The following LLGL2 variants were observed in gnomAD, a reference collection of about 807,000 sequenced individuals.
LLGL2 encodes LLGL scribble cell polarity complex component 2.
Under a neutral mutation model 123.2 loss-of-function variants are expected in LLGL2, and 81 were observed. That is an observed-to-expected ratio of 0.66 (90% CI 0.55 to 0.79). LLGL2 has a LOEUF of 0.79. Among genes scored for constraint, LLGL2 ranks in the 30% least tolerant of loss-of-function variants. The pLI, the probability that LLGL2 is intolerant of heterozygous loss-of-function variation, is 0.00. For missense variants in LLGL2, 1,273 were observed against 1,414.6 expected (o/e 0.90, Z 1.61); for synonymous variants, 577 against 594.1 (o/e 0.97, Z 0.42).
Position 75,575,160 on chromosome 17 carries a change from T to G in LLGL2, c.*282T>G. Reference sequence around the variant, plus strand: ...GGGCTGGGTTTTAAGTTATAAATGTTAACTGCCTCTGGGTGAAAAAGTTTT... The same window carrying G: ...GGGCTGGGTTTTAAGTTATAAATGTGAACTGCCTCTGGGTGAAAAAGTTTT... On this transcript the variant is annotated 3_prime_UTR_variant, in exon 26 of 26. Coordinates refer to ENST00000392550, the MANE Select transcript of LLGL2 (RefSeq NM_001031803.2). 1 of 567,910 alleles carries G rather than the reference T, an allele frequency of 1.8e-6. No individual in the cohort carries two copies. The allele number at this position is 567,910 out of a possible 1,614,324, so 35.2% of individuals were successfully genotyped here. A position where few individuals can be genotyped will look rare whatever the true frequency, so the allele number is the denominator to read the frequency against.
chr17:75,557,370 C>T (rs1257539918), intron 3 of LLGL2, among the ~76,000 whole-genome samples: 1 of 152,216 alleles, frequency 6.6e-6, no homozygotes. Context: ...GACAGTCCTT[C>T]CCCGGCCTGA....
Position 75,574,879 on chromosome 17 carries a change from G to T in LLGL2, c.*1G>T, listed in dbSNP as rs569728853. ...CCCTCTGTGTCCTTCAGCAGAGTGAGTGGCTGAGCGTCCAGGCTGCGCGAT... is the reference window on the plus strand; with the variant it reads ...CCCTCTGTGTCCTTCAGCAGAGTGATTGGCTGAGCGTCCAGGCTGCGCGAT... On this transcript the variant is annotated 3_prime_UTR_variant, in exon 26 of 26. Coordinates refer to ENST00000392550, the MANE Select transcript of LLGL2 (RefSeq NM_001031803.2). The T allele has an allele frequency of 3.7e-6, 6 of 1,614,054 alleles. No homozygotes were observed. In the East Asian group the frequency reaches 1.3e-4, roughly 36 times the overall value.
Position 75,573,083 on chromosome 17 carries a change from C to G in LLGL2, c.2530C>G (p.Arg844Gly). Residue 844 changes from arginine (R) to glycine (G), a missense_variant, in exon 20 of 26, where the codon CGG becomes GGG. By Grantham distance (125) the Arg-to-Gly change is moderately radical. Transcript: ENST00000392550. ...GACGGCCCTGGAGGGCTCAAGAGTG[C>G]GGCGGGTCAGCGTGGCCCACTTCGG... ...KLTALEGSRV[R>G]RVSVAHFGSR... 1 of 1,612,730 alleles carries G rather than the reference C, an allele frequency of 6.2e-7. No homozygotes were observed. Among genetic ancestry groups the G allele is most frequent in the Non-Finnish European group, 8.5e-7 (1 of 1,179,844 alleles).
chr17:75,562,468 A>G (rs1224498466), intron 6 of LLGL2: 1 of 155,402 alleles, frequency 6.4e-6, no homozygotes, highest in Non-Finnish European at 1.4e-5. Flanking sequence ...GCCTTGCCTT[A>G]TAATTGTACC....
chr17:75,569,245 G>T lies in LLGL2; in HGVS notation c.1501G>T (p.Asp501Tyr), dbSNP rs148054484. The part of the protein sequence containing the change: ...RKVGSFDPYS[D>Y]DPRLGIQKIF... ...GGTGGGCTCCTTTGACCCCTACAGTGATGACCCCCGGCTGGGCATCCAGAA... is the reference window on the plus strand; with the variant it reads ...GGTGGGCTCCTTTGACCCCTACAGTTATGACCCCCGGCTGGGCATCCAGAA... Residue 501 changes from aspartate to tyrosine, a missense_variant, in exon 14 of 26, where the codon GAT becomes TAT. By Grantham distance (160) the Asp-to-Tyr change is radical. Transcript: ENST00000392550. 1.2e-6 allele frequency: 2 copies of T among 1,613,546 alleles called. No individual in the cohort carries two copies. The highest frequency in any genetic ancestry group is 1.7e-6 in the Non-Finnish European group (2 of 1,179,996).
In LLGL2 at chr17:75,574,861, T is replaced by C; in HGVS notation, c.3056-10T>C. 1.2e-6 allele frequency: 2 copies of C among 1,614,032 alleles called. No individual in the cohort carries two copies. Among genetic ancestry groups the C allele is most frequent in the Non-Finnish European group, 1.7e-6 (2 of 1,179,936 alleles). The stretch of plus-strand genomic sequence containing the variant: ...AGGGTGATCTTGAGCTGTCCCTCTG[T>C]GTCCTTCAGCAGAGTGAGTGGCTGA... On this transcript the variant is annotated splice_polypyrimidine_tract_variant and intron_variant, in intron 25 of 25. Transcript: ENST00000392550.
chr17:75,573,006 GC>G lies in LLGL2; in HGVS notation c.2461-3del. 1 of 1,595,966 alleles carries G rather than the reference GC, an allele frequency of 6.3e-7. No homozygotes were observed. Among genetic ancestry groups the G allele is most frequent in the Non-Finnish European group, 8.6e-7 (1 of 1,167,920 alleles). On this transcript the variant is annotated splice_region_variant and splice_polypyrimidine_tract_variant and intron_variant, in intron 19 of 25. Coordinates refer to ENST00000392550, the MANE Select transcript of LLGL2 (RefSeq NM_001031803.2). Reference sequence around the variant, plus strand: ...CCATGGGCATGAACAACCACCCCACGCCCCCAGGTGTTCACGCTGCCCAAGG... The same window carrying G: ...CCATGGGCATGAACAACCACCCCACGCCCCAGGTGTTCACGCTGCCCAAGG...
In LLGL2 at chr17:75,574,519, G is replaced by T. The variant is rs375484130; in HGVS notation, c.2996+24G>T. Reference sequence around the variant, plus strand: ...GGGTGAGGCACCGCCCAGGCCAGCTGGGGTGGGCCCGAGGCTCTGCCAGAG... The same window carrying T: ...GGGTGAGGCACCGCCCAGGCCAGCTTGGGTGGGCCCGAGGCTCTGCCAGAG... On this transcript the variant is annotated intron_variant, in intron 24 of 25. Transcript: ENST00000392550. The T allele has an allele frequency of 8.4e-5, 132 of 1,571,976 alleles. No individual in the cohort carries two copies. The African/African-American group carries it at 1.6e-3, about 19-fold the overall frequency.
chr17:75,525,017 G>GT (rs1427440867), upstream of LLGL2: 1 of 157,868 alleles, frequency 6.3e-6, no homozygotes, highest in African/African-American at 2.4e-5. The surrounding 1 kb of genome is among the most constrained non-coding windows in gnomAD (Gnocchi z 4.8). Context: ...GCGGGGTGCG[G>GT]GTGGCGAGAG....
Position 75,570,979 on chromosome 17 carries a change from G to A in LLGL2, c.2055G>A (p.Arg685=), listed in dbSNP as rs1026911719. The A allele has an allele frequency of 8.1e-6, 13 of 1,612,282 alleles. No individual in the cohort carries two copies. Among genetic ancestry groups the A allele is most frequent in the Non-Finnish European group, 1.1e-5 (13 of 1,179,552 alleles). Reference sequence around the variant, plus strand: ...AGGAGGGGAGTGCCAAGGCTGAGCGGCCAGGCCTCCAGAACATGGAGCTGG... The same window carrying A: ...AGGAGGGGAGTGCCAAGGCTGAGCGACCAGGCCTCCAGAACATGGAGCTGG... The part of the protein sequence containing the change: ...EAQEGSAKAE[R]PGLQNMELAP... Residue 685 remains arginine, a synonymous_variant, in exon 17 of 26, where the codon CGG becomes CGA. Coordinates refer to ENST00000392550, the MANE Select transcript of LLGL2 (RefSeq NM_001031803.2).
chr17:75,554,302 C>CAAA (rs72439797), intron 2 of LLGL2, among the ~76,000 whole-genome samples: 30 of 133,964 alleles, frequency 2.2e-4, no homozygotes, highest in African/African-American at 8.0e-4. Context: ...AACTCCGTCT[C>CAAA]AAAAAAAAAA....
At chr17:75,569,619 A>C (rs1039614688) in intron 14 of LLGL2, among the ~76,000 whole-genome samples, 2 of 152,130 alleles carry the variant, frequency 1.3e-5, no homozygotes, top group Non-Finnish European at 2.9e-5. Context: ...CCTGGCCAAC[A>C]TGGTGAAACC....
At position 75,571,978 on chromosome 17, in the gene LLGL2, C is replaced by A; in HGVS notation, c.2374C>A (p.Pro792Thr). 4 of 1,612,908 alleles carry A rather than the reference C, an allele frequency of 2.5e-6. No individual in the cohort carries two copies. Among genetic ancestry groups the A allele is most frequent in the Non-Finnish European group, 2.5e-6 (3 of 1,180,012 alleles). Residue 792 changes from proline to threonine, a missense_variant, in exon 19 of 26, where the codon CCC becomes ACC. Coordinates refer to ENST00000392550, the MANE Select transcript of LLGL2 (RefSeq NM_001031803.2). ...LDGHSVPLPE[P>T]LEVAHDLSKS... ...CGGACACAGCGTACCCCTTCCCGAG[C>A]CCCTCGAAGTGGCCCATGATCTGTC...
At chr17:75,543,123 T>G in intron 1 of LLGL2, 1 of 252,136 alleles carries the variant, frequency 4.0e-6, no homozygotes. Context: ...TCCTTGTGCT[T>G]ATAAAGCCAG....
Position 75,574,210 on chromosome 17 carries a change from C to T in LLGL2, c.2906-3C>T. On this transcript the variant is annotated splice_region_variant and splice_polypyrimidine_tract_variant and intron_variant, in intron 22 of 25. Coordinates refer to ENST00000392550, the MANE Select transcript of LLGL2 (RefSeq NM_001031803.2). The stretch of plus-strand genomic sequence containing the variant: ...GCGCCCTGACCCGGCCTCTACCTTC[C>T]AGAGAAGCAGCCCGGCCTGGTGATG... 1.3e-6 allele frequency: 2 copies of T among 1,532,454 alleles called. No homozygotes were observed. The highest frequency in any genetic ancestry group is 1.8e-6 in the Non-Finnish European group (2 of 1,139,208). 94.9% of individuals were successfully genotyped at this position (1,532,454 alleles called of 1,614,324 possible).
At chr17:75,529,953 T>C (rs1384671474) in intron 1 of LLGL2, among the ~76,000 whole-genome samples, 1 of 152,244 alleles carries the variant, frequency 6.6e-6, no homozygotes, top group East Asian at 1.9e-4. Flanking sequence ...GAGTCCTTGC[T>C]GTGTGACCCT....
chr17:75,565,889 G>A (rs1027197211), intron 10 of LLGL2, among the ~76,000 whole-genome samples: 9 of 152,222 alleles, frequency 5.9e-5, no homozygotes, highest in African/African-American at 2.2e-4. Context: ...CTATATGCCA[G>A]GCCCTGTTCT....
chr17:75,563,444 C>A lies in LLGL2; in HGVS notation c.807C>A (p.Leu269=). 1 of 1,612,682 alleles carries A rather than the reference C, an allele frequency of 6.2e-7. No individual in the cohort carries two copies. Among genetic ancestry groups the A allele is most frequent in the Non-Finnish European group, 8.5e-7 (1 of 1,180,024 alleles). The change falls in exon 8 of 26, where the codon CTC becomes CTA. Residue 269 remains leucine, a synonymous_variant. Coordinates refer to ENST00000392550, the MANE Select transcript of LLGL2 (RefSeq NM_001031803.2). The part of the protein sequence containing the change: ...VSSEAQQPEP[L]RSLVPYGPFP... ...GCGAAGCCCAGCAACCAGAGCCCCTCCGCAGCCTCGTGCCTTACGGTCAGT... is the reference window on the plus strand; with the variant it reads ...GCGAAGCCCAGCAACCAGAGCCCCTACGCAGCCTCGTGCCTTACGGTCAGT...
intron 19 of LLGL2, among the ~76,000 whole-genome samples, chr17:75,572,369 A>G (rs1377406432): frequency 2.6e-5 from 4 of 151,332 alleles, no homozygotes; most frequent in Non-Finnish European, 2.9e-5. Context: ...ACAAAAAAAA[A>G]TAGCCCGGCA....
Sources: allele counts gnomAD v4.1 joint callset (sites outside exome capture counted in the v4.1 genomes callset), GRCh38; gene constraint gnomAD v4.1.1; non-coding constraint Gnocchi (gnomAD v3.1); transcripts MANE v1.5; gene names NCBI Gene and HGNC (gene_info 2026-07-23, HGNC 2026-07-21).